The following GRID1 variants were observed in gnomAD, a reference collection of about 807,000 sequenced individuals.
GRID1 encodes glutamate ionotropic receptor delta type subunit 1.
In GRID1, 28 loss-of-function variants were observed where a neutral mutation model predicts 98.0. The ratio of observed to expected loss-of-function variants is 0.29; its 90% CI spans 0.21 to 0.39. The LOEUF is 0.39. GRID1 is among the 10% of genes least tolerant of loss of function. The pLI, the probability that GRID1 is intolerant of heterozygous loss-of-function variation, is 1.00. For synonymous variants in GRID1, 553 were observed against 538.5 expected, an observed-to-expected ratio of 1.03 and a Z score of -0.37; for missense variants, 1,111 against 1,340.5, an observed-to-expected ratio of 0.83 and a Z score of 2.67.
chr10:85,975,008 C>T (rs561777580), intron 4 of GRID1, among the ~76,000 whole-genome samples: 6 of 152,312 alleles, frequency 3.9e-5, no homozygotes, highest in African/African-American at 1.2e-4. Context: ...ACCTAATTGC[C>T]CTGCTTAAAA....
At chr10:85,935,441 C>T (rs1196586242) in intron 4 of GRID1, among the ~76,000 whole-genome samples, 1 of 152,188 alleles carries the variant, frequency 6.6e-6, no homozygotes, top group Non-Finnish European at 1.5e-5. Flanking sequence ...GCCCAACCTC[C>T]GAACAGAGGC....
chr10:85,668,293 G>A (rs367800190), intron 12 of GRID1, among the ~76,000 whole-genome samples: 144 of 152,288 alleles, frequency 9.5e-4, no homozygotes, highest in African/African-American at 3.4e-3. Context: ...TGTGAGCAAC[G>A]GAGCATGTGC....
intron 5 of GRID1, among the ~76,000 whole-genome samples, chr10:85,880,873 A>C (rs79162350): frequency 0.26 from 39,725 of 151,958 alleles, 5,356 homozygotes; most frequent in African/African-American, 0.33. Flanking sequence ...TCTAGAAAAC[A>C]CCACTGTCTA....
chr10:85,921,182 A>G (rs966501577), intron 4 of GRID1, among the ~76,000 whole-genome samples: 3 of 152,242 alleles, frequency 2.0e-5, no homozygotes, highest in Non-Finnish European at 4.4e-5. Flanking sequence ...GGCTGGGTGC[A>G]GTCAGCCAGG....
intron 4 of GRID1, among the ~76,000 whole-genome samples, chr10:85,921,484 C>T (rs1415380012): frequency 6.6e-6 from 1 of 152,190 alleles, no homozygotes; most frequent in African/African-American, 2.4e-5. Flanking sequence ...TTCTGCAGGC[C>T]CACTGAGGGC....
intron 4 of GRID1, among the ~76,000 whole-genome samples, chr10:85,940,564 G>A (rs1841986483): frequency 6.6e-6 from 1 of 152,180 alleles, no homozygotes; most frequent in African/African-American, 2.4e-5. Context: ...TACAGCTCTG[G>A]AAATATATCT....
At chr10:85,956,371 C>CA (rs78175545) in intron 4 of GRID1, among the ~76,000 whole-genome samples, 18,602 of 152,192 alleles carry the variant, frequency 0.12, 1,291 homozygotes, top group Admixed American at 0.22. Flanking sequence ...CCAACCTCCC[C>CA]AGCACTCTCT....
At chr10:86,308,657 G>A (rs1253218168) in intron 2 of GRID1, among the ~76,000 whole-genome samples, 1 of 152,162 alleles carries the variant, frequency 6.6e-6, no homozygotes, top group African/African-American at 2.4e-5. Flanking sequence ...CGGAATGCTC[G>A]AGACTGGGTA....
intron 8 of GRID1, among the ~76,000 whole-genome samples, chr10:85,812,508 T>A (rs577999175): frequency 6.6e-6 from 1 of 152,126 alleles, no homozygotes; most frequent in Non-Finnish European, 1.5e-5. Flanking sequence ...TAGCAATGAT[T>A]AGCATTTTAT....
chr10:86,130,716 G>C lies in GRID1; in HGVS notation c.726+8103C>G, dbSNP rs556827061. ...CCCTGCATTTACCATCCTTTAACTT[G>C]TCTGTGTGACCTGATTCTTCCTGGT... On this transcript the variant is annotated intron_variant, in intron 4 of 15. Coordinates refer to ENST00000327946, the MANE Select transcript of GRID1 (RefSeq NM_017551.3). Among the ~76,000 whole-genome samples the C allele has an allele frequency of 2.0e-5, 3 of 152,278 alleles. No homozygotes were observed. In the South Asian group the frequency reaches 6.2e-4, roughly 32 times the overall value.
chr10:85,860,756 C>T (rs1843156779), intron 6 of GRID1, among the ~76,000 whole-genome samples: 1 of 152,196 alleles, frequency 6.6e-6, no homozygotes. Flanking sequence ...ATACAGCAAG[C>T]ACTCAATAAA....
intron 13 of GRID1, among the ~76,000 whole-genome samples, chr10:85,643,768 C>T (rs530843839): frequency 7.9e-4 from 120 of 151,972 alleles, no homozygotes; most frequent in African/African-American, 2.8e-3. Flanking sequence ...ATTTGTGATC[C>T]CAAAGCCAGC....
At chr10:86,006,460 A>C (rs1842861375) in intron 4 of GRID1, among the ~76,000 whole-genome samples, 1 of 152,196 alleles carries the variant, frequency 6.6e-6, no homozygotes, top group Non-Finnish European at 1.5e-5. Context: ...CTCTACTAAA[A>C]GTACAAAATT....
intron 4 of GRID1, among the ~76,000 whole-genome samples, chr10:86,008,452 C>T (rs188351957): frequency 2.6e-4 from 39 of 152,074 alleles, no homozygotes; most frequent in Admixed American, 4.6e-4. Flanking sequence ...CAATGAAAAG[C>T]TTCAAGGAAG....
chr10:85,931,006 A>AT, intron 4 of GRID1, among the ~76,000 whole-genome samples: 1 of 152,058 alleles, frequency 6.6e-6, no homozygotes, highest in East Asian at 1.9e-4. Flanking sequence ...TGCTGGCCTA[A>AT]TTTTTGCATT....
chr10:86,202,858 C>T (rs1184694604), intron 3 of GRID1, among the ~76,000 whole-genome samples: 1 of 152,238 alleles, frequency 6.6e-6, no homozygotes. Flanking sequence ...ATGATGCTCA[C>T]TAAAGTGACT....
chr10:86,232,372 A>C (rs1846469757), intron 2 of GRID1, among the ~76,000 whole-genome samples: 2 of 152,226 alleles, frequency 1.3e-5, no homozygotes. Flanking sequence ...TCAGTTTTCC[A>C]GTCTCTATAA....
chr10:86,159,039 G>A (rs112220403), intron 3 of GRID1, among the ~76,000 whole-genome samples: 10,180 of 152,068 alleles, frequency 0.067, 638 homozygotes, highest in South Asian at 0.15. Context: ...GACCACAGGC[G>A]CCCGCGACCA....
At chr10:85,653,386 G>A (rs1426625553) in intron 12 of GRID1, among the ~76,000 whole-genome samples, 65 of 152,296 alleles carry the variant, frequency 4.3e-4, no homozygotes. Context: ...CCTCGCACTG[G>A]ACTAAGAGGA....
Sources: allele counts gnomAD v4.1 joint callset (sites outside exome capture counted in the v4.1 genomes callset), GRCh38; gene constraint gnomAD v4.1.1; transcripts MANE v1.5; gene names NCBI Gene and HGNC (gene_info 2026-07-23, HGNC 2026-07-21).